Variants in RLF observed in about 807,000 individuals in gnomAD.
RLF encodes zinc finger protein Rlf.
In RLF, 7 loss-of-function variants were observed where a neutral mutation model predicts 162.9. The ratio of observed to expected loss-of-function variants is 0.04; its 90% CI spans 0.02 to 0.08. RLF has a LOEUF of 0.08. Ranked by LOEUF, RLF falls within the 10% of genes least tolerant of loss-of-function variation. The probability of loss-of-function intolerance (pLI) is 1.00; values close to 1 mark genes in which losing one functional copy is unlikely to be tolerated. For synonymous variants in RLF, 782 were observed against 791.5 expected (o/e 0.99, Z 0.20); for missense variants, 1,664 against 2,244.7 (o/e 0.74, Z 5.23).
intron 2 of RLF, among the ~76,000 whole-genome samples, chr1:40,190,369 A>G (rs1354241060): frequency 2.0e-5 from 3 of 152,144 alleles, no homozygotes; most frequent in African/African-American, 4.8e-5. Context: ...ACAGAAACCT[A>G]TAGATAACAG....
intron 1 of RLF, among the ~76,000 whole-genome samples, chr1:40,169,602 GACAGAGCGAGACTCCGTCTCAAA>G (rs1642212848): frequency 8.5e-6 from 1 of 117,174 alleles, no homozygotes; most frequent in Non-Finnish European, 1.6e-5. Context: ...CAGCCTGGGC[GACAGAGCGAGACTCCGTCTCAAA>G]AAAAAAAAAA....
chr1:40,224,623 CTTTTTTTTTTTTTTTTTTTTT>C (rs1168908018), intron 6 of RLF, among the ~76,000 whole-genome samples: 1 of 33,262 alleles, frequency 3.0e-5, no homozygotes, highest in Non-Finnish European at 4.8e-5. Context: ...TTTTTGAAAG[CTTTTTTTTTTTTTTTTTTTTT>C]TTTTTTTTTT....
Position 40,238,602 on chromosome 1 carries a change from T to C in RLF, c.3900T>C (p.Cys1300=). ...GAACTGTTGCTAAAGGAAATCTGTGTTATATTTTGAATAAATACCACAAAC... is the reference window on the plus strand; with the variant it reads ...GAACTGTTGCTAAAGGAAATCTGTGCTATATTTTGAATAAATACCACAAAC... ...SRRTVAKGNL[C]YILNKYHKPF... Residue 1300 remains cysteine, a synonymous_variant, in exon 8 of 8, where the codon TGT becomes TGC. Coordinates refer to ENST00000372771, the MANE Select transcript of RLF (RefSeq NM_012421.4). The surrounding 1 kb of genome is among the most constrained non-coding windows in gnomAD (Gnocchi z 5.2). 6.2e-7 allele frequency: 1 copy of C among 1,613,700 alleles called. No homozygotes were observed. Among genetic ancestry groups the C allele is most frequent in the East Asian group, 2.2e-5 (1 of 44,876 alleles).
chr1:40,169,969 C>T (rs1191962371), intron 1 of RLF, among the ~76,000 whole-genome samples: 1 of 151,870 alleles, frequency 6.6e-6, no homozygotes. Flanking sequence ...GGATTACAGG[C>T]GTGAGCCACC....
intron 1 of RLF, among the ~76,000 whole-genome samples, chr1:40,173,895 T>C (rs977252597): frequency 6.6e-6 from 1 of 152,228 alleles, no homozygotes; most frequent in Non-Finnish European, 1.5e-5. Context: ...ATTAGAGCTA[T>C]AGCCTAACCT....
chr1:40,211,992 T>A (rs1642871483), intron 5 of RLF, among the ~76,000 whole-genome samples: 2 of 152,238 alleles, frequency 1.3e-5, no homozygotes, highest in African/African-American at 4.8e-5. Flanking sequence ...TTAAAAATAA[T>A]CTGTAGTTTG....
intron 5 of RLF, among the ~76,000 whole-genome samples, chr1:40,203,840 C>CAATTTG (rs1413931527): frequency 2.0e-5 from 3 of 152,046 alleles, no homozygotes; most frequent in African/African-American, 7.2e-5. Flanking sequence ...ATATCTTACT[C>CAATTTG]TCCAAATACA....
At position 40,238,537 on chromosome 1, in the gene RLF, A is replaced by G; in HGVS notation, c.3835A>G (p.Arg1279Gly). ...CATTTCATCACCAATAGGCAGCCAT[A>G]GAGAAGAACAAGAAGGAAGAGAGGG... ...SDISSPIGSHREEQEGREGRG... is the reference protein window; with the variant it reads ...SDISSPIGSHGEEQEGREGRG... The change falls in exon 8 of 8, where the codon AGA (arginine) becomes GGA (glycine). Residue 1279 changes from arginine (R) to glycine (G), a missense_variant. Arg to Gly is a moderately radical substitution (Grantham distance 125). This residue lies in a region of RLF where 102 missense variants were observed against 109.5 expected (regional missense o/e 0.93). Transcript: ENST00000372771. The surrounding 1 kb of genome is among the most constrained non-coding windows in gnomAD (Gnocchi z 5.2). 2 of 1,613,884 alleles carry G rather than the reference A, an allele frequency of 1.2e-6. No homozygotes were observed. Among genetic ancestry groups the G allele is most frequent in the African/African-American group, 1.3e-5 (1 of 75,074 alleles).
At chr1:40,192,331 A>T (rs1642570259) in intron 3 of RLF, among the ~76,000 whole-genome samples, 1 of 152,178 alleles carries the variant, frequency 6.6e-6, no homozygotes, top group South Asian at 2.1e-4. Context: ...TGAGTATCCC[A>T]TATCTCAAAT....
chr1:40,219,515 T>C (rs1174363316), intron 5 of RLF, among the ~76,000 whole-genome samples: 1 of 152,194 alleles, frequency 6.6e-6, no homozygotes, highest in Non-Finnish European at 1.5e-5. Context: ...AAAATAAGTC[T>C]AGAGTGATAT....
chr1:40,218,587 C>A (rs1642955439), intron 5 of RLF, among the ~76,000 whole-genome samples: 1 of 152,168 alleles, frequency 6.6e-6, no homozygotes, highest in Non-Finnish European at 1.5e-5. Flanking sequence ...TTTGCTCATT[C>A]CAGCTTTGTA....
At chr1:40,174,498 G>A (rs1303445725) in intron 1 of RLF, among the ~76,000 whole-genome samples, 2 of 152,134 alleles carry the variant, frequency 1.3e-5, no homozygotes, top group Admixed American at 1.3e-4. Flanking sequence ...TGCTCTTTAA[G>A]GTTTGATTCT....
rs36038824 is a variant in RLF, at chr1:40,205,485, CTTT to C, written c.810+2891_810+2893del. On this transcript the variant is annotated intron_variant, in intron 5 of 7. Coordinates refer to ENST00000372771, the MANE Select transcript of RLF (RefSeq NM_012421.4). ...TTACTATCGAACATTTTCCTTCCTT[CTTT>C]TTTTTTTTTTTTTTTTTTTGGGACA... Among the ~76,000 whole-genome samples, 91 of 107,056 alleles carry C rather than the reference CTTT, an allele frequency of 8.5e-4. 1 individual carries two copies. The highest frequency in any genetic ancestry group is 3.0e-3 in the African/African-American group (80 of 26,236). 70.2% of individuals were successfully genotyped at this position (107,056 alleles called of 152,430 possible).
rs1447060720 is a variant in RLF, at chr1:40,185,715, C to T, written c.238-3340C>T. On this transcript the variant is annotated intron_variant, in intron 1 of 7. Coordinates refer to ENST00000372771, the MANE Select transcript of RLF (RefSeq NM_012421.4). ...TGGTGGCGGGTGCCTGTAGTCCCAGCTACTTGGGAGGCTGAGGCAGGAGAA... is the reference window on the plus strand; with the variant it reads ...TGGTGGCGGGTGCCTGTAGTCCCAGTTACTTGGGAGGCTGAGGCAGGAGAA... Among the ~76,000 whole-genome samples, 3 of 142,904 alleles carry T rather than the reference C, an allele frequency of 2.1e-5. No homozygotes were observed. In the East Asian group the frequency reaches 6.2e-4, roughly 29 times the overall value. 93.8% of individuals were successfully genotyped at this position (142,904 alleles called of 152,430 possible).
At chr1:40,221,917 A>AAAAAAAAAAAAAAAAAGAG (rs1486982312) in intron 5 of RLF, among the ~76,000 whole-genome samples, 36 of 150,278 alleles carry the variant, frequency 2.4e-4, no homozygotes, top group African/African-American at 8.9e-4. Flanking sequence ...AAAAAAAAAA[A>AAAAAAAAAAAAAAAAAGAG]AGAGAAAGGA....
intron 6 of RLF, among the ~76,000 whole-genome samples, chr1:40,226,921 A>G (rs183489725): frequency 2.9e-3 from 448 of 152,248 alleles, no homozygotes; most frequent in African/African-American, 0.01. Flanking sequence ...CTGCAGTGCA[A>G]TGGTGCAGTC....
chr1:40,178,057 CATATAT>C (rs71957395), intron 1 of RLF: 9 of 150,182 alleles, frequency 6.0e-5, no homozygotes, highest in Admixed American at 6.7e-5. Flanking sequence ...AAATAAAAAA[CATATAT>C]ATATATAGAT....
Position 40,168,538 on chromosome 1 carries a change from C to T in RLF, c.237+6902C>T, listed in dbSNP as rs187871350. Among the ~76,000 whole-genome samples, 932 of 152,226 alleles carry T rather than the reference C, an allele frequency of 6.1e-3. 8 individuals carry two copies. The highest frequency in any genetic ancestry group is 0.017 in the South Asian group (84 of 4,822). Reference sequence around the variant, plus strand: ...GATTACAGGCGTGAGCCATTGCACCCGGCCAAGAAAGAAAGAGACATTTTT... The same window carrying T: ...GATTACAGGCGTGAGCCATTGCACCTGGCCAAGAAAGAAAGAGACATTTTT... On this transcript the variant is annotated intron_variant, in intron 1 of 7. Coordinates refer to ENST00000372771, the MANE Select transcript of RLF (RefSeq NM_012421.4).
At chr1:40,218,414 CTG>C (rs1642953350) in intron 5 of RLF, among the ~76,000 whole-genome samples, 1 of 152,216 alleles carries the variant, frequency 6.6e-6, no homozygotes, top group Non-Finnish European at 1.5e-5. Context: ...CTTATTCAGT[CTG>C]TCTTTCCCCC....
Sources: gnomAD v4.1 joint callset for allele counts (sites outside exome capture counted in the v4.1 genomes callset) on GRCh38, gnomAD v4.1.1 for gene constraint, gnomAD v4.1.1 regional missense constraint, Gnocchi (gnomAD v3.1) non-coding constraint, MANE v1.5 for transcripts, NCBI Gene and HGNC (gene_info 2026-07-23, HGNC 2026-07-21) for gene names.